BRPF3: variants seen among roughly 807,000 people sequenced by gnomAD.
BRPF3 encodes the protein bromodomain and PHD finger containing 3, also known as bromodomain and PHD finger-containing protein 3.
BRPF3 carries 18 observed loss-of-function variants against 102.0 expected under a neutral mutation model. That is an observed-to-expected ratio of 0.18 (90% CI 0.12 to 0.26). The LOEUF is 0.26. BRPF3 is among the 10% of genes least tolerant of loss of function. The probability of loss-of-function intolerance (pLI) is 1.00; values close to 1 mark genes in which losing one functional copy is unlikely to be tolerated. For missense variants in BRPF3, 1,147 were observed against 1,567.8 expected (o/e 0.73, Z 4.53); for synonymous variants, 570 against 614.2 (o/e 0.93, Z 1.06).
rs1418289752 is a variant in BRPF3, at chr6:36,210,608, T to A, written c.2179+80T>A. On this transcript the variant is annotated intron_variant, in intron 6 of 12. Transcript: ENST00000357641. This position sits in a 1 kb window ranked among gnomAD's most constrained non-coding sequence, Gnocchi z 4.7. ...GAGTCTACAGAGTGAGGGATCAGGG[T>A]GGTCCTTGGGGCTATAGGTAGACTC... The A allele has an allele frequency of 7.1e-7, 1 of 1,400,238 alleles. No homozygotes were observed. Among genetic ancestry groups the A allele is most frequent in the Non-Finnish European group, 9.6e-7 (1 of 1,042,122 alleles). 86.7% of individuals were successfully genotyped at this position (1,400,238 alleles called of 1,614,324 possible).
chr6:36,204,915 T>TG lies in BRPF3; in HGVS notation c.1605+103dup, dbSNP rs529294626. ...CTGGCACCCCTTCTTGATCCCTCCATGGAGCCTTTGCCTACCTGTCTGGGT... is the reference window on the plus strand; with the variant it reads ...CTGGCACCCCTTCTTGATCCCTCCATGGGAGCCTTTGCCTACCTGTCTGGGT... On this transcript the variant is annotated intron_variant, in intron 3 of 12. Transcript: ENST00000357641. 289 of 1,494,426 alleles carry TG rather than the reference T, an allele frequency of 1.9e-4. No homozygotes were observed. The African/African-American group carries it at 3.7e-3, about 19-fold the overall frequency. The allele number at this position is 1,494,426 out of a possible 1,614,324, so 92.6% of individuals were successfully genotyped here. A position where few individuals can be genotyped will look rare whatever the true frequency, so the allele number is the denominator to read the frequency against.
chr6:36,217,673 C>T (rs1264304189), intron 8 of BRPF3, among the ~76,000 whole-genome samples: 14 of 152,250 alleles, frequency 9.2e-5, no homozygotes, highest in Middle Eastern at 3.4e-3. Context: ...TTTCCTTAAA[C>T]AAAAAGCAGA....
intron 12 of BRPF3, among the ~76,000 whole-genome samples, chr6:36,229,781 T>C (rs1305503795): frequency 6.6e-6 from 1 of 152,246 alleles, no homozygotes; most frequent in Non-Finnish European, 1.5e-5. Context: ...CATGTCCTTA[T>C]GCAGATTGCT....
chr6:36,200,948 T>C lies in BRPF3; in HGVS notation c.626T>C (p.Ile209Thr). 1.2e-6 allele frequency: 2 copies of C among 1,614,186 alleles called. No homozygotes were observed. Among genetic ancestry groups the C allele is most frequent in the Non-Finnish European group, 8.5e-7 (1 of 1,180,038 alleles). Residue 209 changes from isoleucine (I) to threonine (T), a missense_variant, in exon 2 of 13, where the codon ATC becomes ACC. Transcript: ENST00000357641. This position sits in a 1 kb window ranked among gnomAD's most constrained non-coding sequence, Gnocchi z 5.3. ...AGCAGTGGGGCCCAACAGTCACTCA[T>C]CGATGAAGACGCTTTCTGCTGTGTG... ...SRSSGAQQSL[I>T]DEDAFCCVCL...
rs775207373 is a variant in BRPF3 at position 36,214,142 on chromosome 6, G to A, written c.2745G>A (p.Pro915=). 2.3e-5 allele frequency: 37 copies of A among 1,614,018 alleles called. No homozygotes were observed. Among genetic ancestry groups the A allele is most frequent in the Non-Finnish European group, 2.8e-5 (33 of 1,180,038 alleles). ...TATCCCTCATGGCCCCTGACACCCCGGCCGGTACCCCACTTAGTGGTGTGG... is the reference window on the plus strand; with the variant it reads ...TATCCCTCATGGCCCCTGACACCCCAGCCGGTACCCCACTTAGTGGTGTGG... ...NRLSLMAPDT[P]AGTPLSGVGR... is the part of the protein sequence containing the mutation. The change falls in exon 8 of 13, where the codon CCG becomes CCA. Residue 915 remains proline (P), a synonymous_variant. Coordinates refer to ENST00000357641, the MANE Select transcript of BRPF3 (RefSeq NM_015695.3).
chr6:36,221,348 A>G (rs1185853136), intron 9 of BRPF3, among the ~76,000 whole-genome samples: 1 of 133,346 alleles, frequency 7.5e-6, no homozygotes, highest in Non-Finnish European at 1.5e-5. Context: ...GTGCAGTAGC[A>G]TGATCTTGGG....
intron 3 of BRPF3, among the ~76,000 whole-genome samples, chr6:36,206,531 T>G (rs1369135549): frequency 6.6e-6 from 1 of 152,248 alleles, no homozygotes; most frequent in Non-Finnish European, 1.5e-5. Flanking sequence ...GCTTTTATAG[T>G]TCTCCAGCAT....
intron 10 of BRPF3, among the ~76,000 whole-genome samples, chr6:36,222,966 C>T (rs1768604219): frequency 6.6e-6 from 1 of 152,204 alleles, no homozygotes; most frequent in Non-Finnish European, 1.5e-5. Flanking sequence ...CAAACGTTAT[C>T]AGTGATAGCC....
chr6:36,201,580 G>A lies in BRPF3; in HGVS notation c.1258G>A (p.Glu420Lys), dbSNP rs142522369. The stretch of plus-strand genomic sequence containing the variant: ...AGGGCTGAAGGAGGGTGATGGAGAG[G>A]AGGAAGAAGAGGAAGAGGTGGAGGA... ...EEGLKEGDGE[E>K]EEEEEVEEEE... Residue 420 changes from glutamate (E) to lysine (K), a missense_variant, in exon 2 of 13, where the codon GAG becomes AAG. Transcript: ENST00000357641. This position sits in a 1 kb window ranked among gnomAD's most constrained non-coding sequence, Gnocchi z 5.1. 3.7e-5 allele frequency: 59 copies of A among 1,613,822 alleles called. 1 individual carries two copies. The African/African-American group carries it at 7.1e-4, about 19-fold the overall frequency.
chr6:36,221,819 G>A (rs575631249), intron 9 of BRPF3, among the ~76,000 whole-genome samples: 28 of 152,348 alleles, frequency 1.8e-4, no homozygotes, highest in African/African-American at 6.5e-4. Flanking sequence ...CTGGGCAGAT[G>A]TAAGATGGCC....
At chr6:36,199,075 G>A (rs1767603386) in intron 1 of BRPF3, among the ~76,000 whole-genome samples, 1 of 152,180 alleles carries the variant, frequency 6.6e-6, no homozygotes, top group African/African-American at 2.4e-5. Context: ...GCCTGGAAAT[G>A]TACTAGTTGG....
At chr6:36,197,365 C>G (rs914375717) in intron 1 of BRPF3, 101 of 152,578 alleles carry the variant, frequency 6.6e-4, no homozygotes, top group Non-Finnish European at 1.0e-3. Context: ...CCCGCTCATT[C>G]GCTGGCGCTC....
chr6:36,205,060 A>G (rs1767858616), intron 3 of BRPF3, among the ~76,000 whole-genome samples: 1 of 152,180 alleles, frequency 6.6e-6, no homozygotes, highest in African/African-American at 2.4e-5. Flanking sequence ...GTAGCTTTCC[A>G]TATATGTGGG....
chr6:36,212,945 G>A (rs1359711215), intron 7 of BRPF3, among the ~76,000 whole-genome samples: 2 of 151,916 alleles, frequency 1.3e-5, no homozygotes, highest in Non-Finnish European at 2.9e-5. Context: ...GGGCGACAGA[G>A]CGAGACTCCG....
In BRPF3 at chr6:36,230,288, A is replaced by G. The variant is rs1768894874; in HGVS notation, c.3435-138A>G. ...TGCTAGGTTCTTGGTGGCCTCCTGC[A>G]TGGAGTCCCCCAATTTGCTTCCCTC... is the stretch of plus-strand genomic sequence containing the variant. On this transcript the variant is annotated intron_variant, in intron 12 of 12. Transcript: ENST00000357641. The surrounding 1 kb of genome is among the most constrained non-coding windows in gnomAD (Gnocchi z 5.4). 11 of 720,796 alleles carry G rather than the reference A, an allele frequency of 1.5e-5. No homozygotes were observed. The highest frequency in any genetic ancestry group is 2.3e-5 in the Non-Finnish European group (10 of 429,184). 44.7% of individuals were successfully genotyped at this position (720,796 alleles called of 1,614,324 possible). A position where few individuals can be genotyped will look rare whatever the true frequency, so the allele number is the denominator to read the frequency against.
chr6:36,213,749 T>C, intron 7 of BRPF3, 131 bp from the exon 8 acceptor site: 2 of 925,382 alleles, frequency 2.2e-6, no homozygotes, highest in East Asian at 2.4e-5. Context: ...GCTTCAGATC[T>C]AAGACCTTGA....
chr6:36,230,418 C>A lies in BRPF3; in HGVS notation c.3435-8C>A. 1 of 1,613,676 alleles carries A rather than the reference C, an allele frequency of 6.2e-7. No individual in the cohort carries two copies. Among genetic ancestry groups the A allele is most frequent in the Non-Finnish European group, 8.5e-7 (1 of 1,179,732 alleles). On this transcript the variant is annotated splice_polypyrimidine_tract_variant and splice_region_variant and intron_variant, in intron 12 of 12. Transcript: ENST00000357641. The surrounding 1 kb of genome is among the most constrained non-coding windows in gnomAD (Gnocchi z 5.4). ...ACTGCCCAGCCTCTTACTGTGCTTG[C>A]ATTTCAGGCAGTGGCTTCCAAGGGA...
At chr6:36,222,345 G>A (rs1768578297) in intron 10 of BRPF3, 80 bp downstream of exon 10, 3 of 1,349,462 alleles carry the variant, frequency 2.2e-6, no homozygotes, top group Non-Finnish European at 2.1e-6. Context: ...CACTGCTGGG[G>A]CTCCGTACCA....
In BRPF3 at chr6:36,214,157, T is replaced by C. The variant is rs936093625; in HGVS notation, c.2760T>C (p.Leu920=). ...CTGACACCCCGGCCGGTACCCCACT[T>C]AGTGGTGTGGGTCGCCGCACATCAG... The part of the protein sequence containing the change: ...MAPDTPAGTP[L]SGVGRRTSVL... Residue 920 remains leucine (L), a synonymous_variant, in exon 8 of 13, where the codon CTT becomes CTC. Transcript: ENST00000357641. 52 of 1,614,042 alleles carry C rather than the reference T, an allele frequency of 3.2e-5. No individual in the cohort carries two copies. The highest frequency in any genetic ancestry group is 4.2e-5 in the Non-Finnish European group (50 of 1,179,986).
Sources: gnomAD v4.1 joint callset for allele counts (sites outside exome capture counted in the v4.1 genomes callset) on GRCh38, gnomAD v4.1.1 for gene constraint, Gnocchi (gnomAD v3.1) non-coding constraint, MANE v1.5 for transcripts, NCBI Gene and HGNC (gene_info 2026-07-23, HGNC 2026-07-21) for gene names.